Variants in RGPD2 observed in about 807,000 individuals in gnomAD.
The protein encoded by RGPD2 is RANBP2 like and GRIP domain containing 2.
RGPD2 carries 2 observed loss-of-function variants against 36.0 expected under a neutral mutation model. The observed-to-expected ratio is 0.06, with a 90% CI of 0.02 to 0.17. The LOEUF (loss-of-function observed/expected upper bound fraction) is 0.17. Among genes scored for constraint, RGPD2 ranks in the 10% least tolerant of loss-of-function variants. RGPD2 has a pLI of 1.00. For synonymous variants in RGPD2, 19 were observed against 163.8 expected, an observed-to-expected ratio of 0.12 and a Z score of 6.75; for missense variants, 40 against 464.3, an observed-to-expected ratio of 0.09 and a Z score of 8.40.
the RGPD2 span, among the ~76,000 whole-genome samples, chr2:87,957,409 T>C: frequency 6.6e-6 from 1 of 151,716 alleles, no homozygotes; most frequent in African/African-American, 2.4e-5. Flanking sequence ...TGACATTATA[T>C]ATAACAGAAA....
At chr2:87,984,001 G>T in the RGPD2 span, among the ~76,000 whole-genome samples, 1 of 151,626 alleles carries the variant, frequency 6.6e-6, no homozygotes, top group East Asian at 1.9e-4. Flanking sequence ...ACGCAGAGGC[G>T]TGACGAACGC....
chr2:87,984,799 G>A, the RGPD2 span, among the ~76,000 whole-genome samples: 40 of 151,592 alleles, frequency 2.6e-4, no homozygotes, highest in Non-Finnish European at 5.6e-4. Context: ...GCGTGGTGGC[G>A]GGCGCCTGTA....
chr2:87,884,324 T>A, the RGPD2 span, among the ~76,000 whole-genome samples: 1 of 151,828 alleles, frequency 6.6e-6, no homozygotes. Context: ...TGTATAACAA[T>A]TAAAATCTAC....
At chr2:87,825,555 CA>C (rs1558740054) in intron 1 of RGPD2, 102 bp downstream of exon 1, 5 of 872,674 alleles carry the variant, frequency 5.7e-6, no homozygotes, top group African/African-American at 3.0e-5. Flanking sequence ...GCCGCCCGGC[CA>C]GGTCGAGGCC....
chr2:87,809,586 G>A (rs1209694060), intron 6 of RGPD2, among the ~76,000 whole-genome samples: 6 of 136,936 alleles, frequency 4.4e-5, no homozygotes, highest in South Asian at 2.7e-4. Flanking sequence ...GAAGAATGGC[G>A]TGAACCTGGG....
the RGPD2 span, among the ~76,000 whole-genome samples, chr2:87,970,104 T>C: frequency 1.3e-5 from 2 of 151,612 alleles, no homozygotes; most frequent in East Asian, 3.9e-4. Flanking sequence ...ATGAAGTTTT[T>C]TTCTTCCTTT....
chr2:87,937,098 A>T, the RGPD2 span, among the ~76,000 whole-genome samples: 1 of 151,884 alleles, frequency 6.6e-6, no homozygotes, highest in Non-Finnish European at 1.5e-5. Flanking sequence ...ACACAATGTA[A>T]TGAGTGCTAA....
chr2:87,985,830 C>G, the RGPD2 span: 1 of 1,611,222 alleles, frequency 6.2e-7, no homozygotes, highest in Non-Finnish European at 8.5e-7. Flanking sequence ...TACTGGAGCA[C>G]TGTGGACATT....
the RGPD2 span, among the ~76,000 whole-genome samples, chr2:87,890,624 T>A: frequency 6.6e-6 from 1 of 151,910 alleles, no homozygotes; most frequent in Non-Finnish European, 1.5e-5. Context: ...CTTACGGACT[T>A]GACCTTTGAC....
At chr2:87,825,910 C>G (rs1395911515), upstream of RGPD2, 1 of 756,970 alleles carries the variant, frequency 1.3e-6, no homozygotes, top group African/African-American at 1.8e-5. Flanking sequence ...GAGCTGCACT[C>G]GGCCGGGCTC....
At chr2:87,940,250 T>C in the RGPD2 span, among the ~76,000 whole-genome samples, 1 of 151,966 alleles carries the variant, frequency 6.6e-6, no homozygotes, top group African/African-American at 2.4e-5. Flanking sequence ...CGCTAGGCTG[T>C]TTGTAAGCGG....
the RGPD2 span, among the ~76,000 whole-genome samples, chr2:87,839,473 A>G: frequency 3.9e-5 from 6 of 152,072 alleles, no homozygotes; most frequent in Non-Finnish European, 7.4e-5. Context: ...GTAAAGACAC[A>G]TGCACTCATA....
chr2:87,842,997 T>G, the RGPD2 span, among the ~76,000 whole-genome samples: 1 of 151,266 alleles, frequency 6.6e-6, no homozygotes, highest in Non-Finnish European at 1.5e-5. Context: ...CTGGGAAAAC[T>G]GGCTAGCCAT....
At chr2:87,814,907 C>T (rs1365569928) in intron 4 of RGPD2, among the ~76,000 whole-genome samples, 5 of 33,398 alleles carry the variant, frequency 1.5e-4, no homozygotes, top group Non-Finnish European at 2.7e-4. Flanking sequence ...TCAAAAACAA[C>T]GAAAAAAGAA....
the RGPD2 span, among the ~76,000 whole-genome samples, chr2:87,894,308 A>G: frequency 2.0e-5 from 3 of 151,864 alleles, no homozygotes; most frequent in African/African-American, 7.3e-5. Context: ...TTAATATCTT[A>G]GTTTTTACTT....
chr2:87,915,385 GTA>G, the RGPD2 span, among the ~76,000 whole-genome samples: 292 of 109,068 alleles, frequency 2.7e-3, 4 homozygotes, highest in Admixed American at 6.6e-3. Context: ...TATATATATT[GTA>G]TATATATGTA....
intron 1 of RGPD2, among the ~76,000 whole-genome samples, chr2:87,824,416 T>C (rs1488351550): frequency 6.6e-6 from 1 of 151,942 alleles, no homozygotes; most frequent in Non-Finnish European, 1.5e-5. Flanking sequence ...ACTCAGACAT[T>C]CTAGAAAGCA....
chr2:87,846,604 T>G, the RGPD2 span, among the ~76,000 whole-genome samples: 1 of 152,174 alleles, frequency 6.6e-6, no homozygotes, highest in Non-Finnish European at 1.5e-5. Flanking sequence ...CCAAACTTTG[T>G]GTAAGAACGC....
intron 8 of RGPD2, among the ~76,000 whole-genome samples, chr2:87,799,426 G>A (rs2104321103): frequency 2.5e-5 from 1 of 40,250 alleles, no homozygotes; most frequent in East Asian, 6.5e-4. Flanking sequence ...TGCCAAGGCT[G>A]AGAGGTTTGG....
Sources: allele counts gnomAD v4.1 joint callset (sites outside exome capture counted in the v4.1 genomes callset), GRCh38; gene constraint gnomAD v4.1.1; transcripts MANE v1.5; gene names NCBI Gene and HGNC (gene_info 2026-07-23, HGNC 2026-07-21).